PCSK4: variants seen among roughly 807,000 people sequenced by gnomAD.
The protein encoded by PCSK4 is proprotein convertase subtilisin/kexin type 4.
Under a neutral mutation model 80.3 loss-of-function variants are expected in PCSK4, and 64 were observed. The observed-to-expected ratio is 0.80, with a 90% confidence interval of 0.65 to 0.98. The LOEUF (loss-of-function observed/expected upper bound fraction) is 0.98. Among genes scored for constraint, PCSK4 ranks in the 50% least tolerant of loss-of-function variants. The pLI, the probability that PCSK4 is intolerant of heterozygous loss-of-function variation, is 0.00. For synonymous variants in PCSK4, 561 were observed against 487.6 expected (o/e 1.15, Z -1.98); for missense variants, 1,213 against 1,093.6 (o/e 1.11, Z -1.54).
intron 13 of PCSK4, 57 bp from the exon 14 acceptor site, chr19:1,482,532 C>A: frequency 1.3e-6 from 2 of 1,559,800 alleles, no homozygotes; most frequent in South Asian, 1.2e-5. Context: ...GCAGCCTGGT[C>A]CTGGTAGTCC....
chr19:1,485,429 T>C (rs1399957888), intron 8 of PCSK4, among the ~76,000 whole-genome samples: 1 of 151,742 alleles, frequency 6.6e-6, no homozygotes. Context: ...TAGCAGGACA[T>C]GGTGGCATGC....
At chr19:1,483,295 G>C (rs756860069) in exon 12 of PCSK4, 2 of 1,599,030 alleles carry the variant, frequency 1.3e-6, no homozygotes, top group South Asian at 2.2e-5. Context: ...GTATGGCCAC[G>C]AGTGTGGAGC....
chr19:1,483,965 G>GGGGGCC, intron 9 of PCSK4, 24 bp from the exon 10 acceptor site: 9 of 1,429,462 alleles, frequency 6.3e-6, no homozygotes, highest in Non-Finnish European at 8.3e-6. Flanking sequence ...GGGCGGGGGC[G>GGGGGCC]GGTGAGCCGC....
At chr19:1,484,262 C>A (rs1184951895) in intron 8 of PCSK4, 135 bp from the exon 9 acceptor site, 1 of 573,438 alleles carries the variant, frequency 1.7e-6, no homozygotes. Flanking sequence ...CTGAGGCGGG[C>A]GTGTTGTCTG....
exon 9 of PCSK4, chr19:1,484,089 G>A (rs372781240): frequency 4.5e-6 from 7 of 1,566,700 alleles, no homozygotes; most frequent in Non-Finnish European, 6.0e-6. Context: ...AGGTGCCCGT[G>A]TGCTGGTCTG....
intron 3 of PCSK4, 46 bp from the exon 4 acceptor site, chr19:1,488,138 A>G (rs1165784511): frequency 6.2e-7 from 1 of 1,612,994 alleles, no homozygotes; most frequent in South Asian, 1.1e-5. Context: ...CCTGGAGTTG[A>G]GGGCGCCAGC....
exon 1 of PCSK4, chr19:1,490,291 A>C: frequency 6.3e-7 from 1 of 1,582,780 alleles, no homozygotes; most frequent in Non-Finnish European, 8.6e-7. Flanking sequence ...CCGGGGGCGG[A>C]CAAGGGCCAG....
chr19:1,488,402 C>G (rs2084755545), intron 2 of PCSK4, 122 bp from the exon 3 acceptor site: 1 of 704,886 alleles, frequency 1.4e-6, no homozygotes, highest in African/African-American at 1.8e-5. Flanking sequence ...TCTCCAGGGT[C>G]CCCATGTGCC....
intron 2 of PCSK4, among the ~76,000 whole-genome samples, chr19:1,488,626 G>A (rs532385224): frequency 2.0e-5 from 3 of 152,134 alleles, no homozygotes; most frequent in African/African-American, 7.2e-5. Flanking sequence ...TGTCGCCCAG[G>A]CTGGGGTGCA....
rs1247423256 is a variant in PCSK4, at chr19:1,482,485, G to A, written c.1697-10C>T. 2.5e-6 allele frequency: 4 copies of A among 1,597,018 alleles called. No homozygotes were observed. Among genetic ancestry groups the A allele is most frequent in the South Asian group, 2.2e-5 (2 of 90,646 alleles). On this transcript the variant is annotated splice_polypyrimidine_tract_variant and intron_variant, in intron 13 of 14. Transcript: ENST00000300954. ...TAGCGGTACAACGTCCCTGGACAGG[G>A]GTCGCGGGTGGGCACAGGAGGAAAA...
Position 1,488,335 on chromosome 19 carries a change from G to T in PCSK4, c.295-55C>A, listed in dbSNP as rs551769390. On this transcript the variant is annotated intron_variant, in intron 2 of 14. Coordinates refer to ENST00000300954, the Ensembl canonical transcript of PCSK4. The stretch of plus-strand genomic sequence containing the variant: ...CCCCTGCTCGCCCCTGGGGCCCCTC[G>T]TGGTTCAGGGAGTGAGGCAGCCCCG... 94 of 1,409,198 alleles carry T rather than the reference G, an allele frequency of 6.7e-5. No homozygotes were observed. In the Middle Eastern group the frequency reaches 1.3e-3, roughly 19 times the overall value. 87.3% of individuals were successfully genotyped at this position (1,409,198 alleles called of 1,614,324 possible). A position where few individuals can be genotyped will look rare whatever the true frequency, so the allele number is the denominator to read the frequency against.
intron 5 of PCSK4, 25 bp downstream of exon 5, chr19:1,487,760 C>T (rs551394948): frequency 5.1e-5 from 79 of 1,554,736 alleles, no homozygotes; most frequent in Middle Eastern, 1.7e-4. Flanking sequence ...GGGCTTCCCC[C>T]GTGTGCTGTG....
At chr19:1,486,810 G>A (rs775749862) in intron 8 of PCSK4, 43 bp downstream of exon 8, 17 of 1,492,986 alleles carry the variant, frequency 1.1e-5, no homozygotes, top group Middle Eastern at 2.3e-4. Context: ...GGCTGGGATG[G>A]CAGGGCCTGG....
chr19:1,489,380 C>G (rs535958501), intron 2 of PCSK4, among the ~76,000 whole-genome samples: 1 of 152,140 alleles, frequency 6.6e-6, no homozygotes, highest in East Asian at 1.9e-4. Context: ...GTGATCCGAC[C>G]GCCTCCGCCT....
exon 12 of PCSK4, chr19:1,483,295 G>A (rs756860069): frequency 3.1e-6 from 5 of 1,598,910 alleles, no homozygotes; most frequent in Middle Eastern, 1.7e-4. Context: ...GTATGGCCAC[G>A]AGTGTGGAGC....
Position 1,487,623 on chromosome 19 carries a change from G to C in PCSK4, c.662C>G (p.Ala221Gly), listed in dbSNP as rs1476947486. The change falls in exon 6 of 15, where the codon GCT (alanine) becomes GGT (glycine). Residue 221 changes from alanine to glycine, a missense_variant. Transcript: ENST00000300954. Reference sequence around the variant, plus strand: ...GGTACCTCCGATTCGGGCGTTGAAAGCGACCCCCACACCACAGAAGCCATT... The same window carrying C: ...GGTACCTCCGATTCGGGCGTTGAAACCGACCCCCACACCACAGAAGCCATT... The C allele has an allele frequency of 7.1e-6, 11 of 1,552,788 alleles. No individual in the cohort carries two copies. The South Asian group carries it at 9.5e-5, about 13-fold the overall frequency.
chr19:1,483,044 G>C (rs1222990883), intron 12 of PCSK4, 24 bp from the exon 13 acceptor site: 3 of 1,493,948 alleles, frequency 2.0e-6, no homozygotes, highest in Non-Finnish European at 2.7e-6. Context: ...GTGGGTGGGG[G>C]TGGGGGTGTC....
At chr19:1,488,841 G>C (rs112498276) in intron 2 of PCSK4, among the ~76,000 whole-genome samples, 1 of 152,102 alleles carries the variant, frequency 6.6e-6, no homozygotes, top group Admixed American at 6.5e-5. Flanking sequence ...TTGGCCTCCC[G>C]AAGTGCCGGG....
At position 1,487,251 on chromosome 19, in the gene PCSK4, G is replaced by T. The variant is rs776298914; in HGVS notation, c.745C>A (p.Pro249Thr). The T allele has an allele frequency of 1.2e-6, 2 of 1,604,448 alleles. No individual in the cohort carries two copies. The highest frequency in any genetic ancestry group is 4.5e-5 in the East Asian group (2 of 44,858). The change falls in exon 7 of 15, where the codon CCG becomes ACG. Residue 249 changes from proline (P) to threonine (T), a missense_variant. Transcript: ENST00000300954. ...GCGCTGTAAATGTGGATGTGCTGCG[G>T]CTGCAGGCTCAGCGACTGGGCCTCG... is the stretch of plus-strand genomic sequence containing the variant.
Sources: gnomAD v4.1 joint callset for allele counts (sites outside exome capture counted in the v4.1 genomes callset) on GRCh38, gnomAD v4.1.1 for gene constraint, MANE v1.5 for transcripts, NCBI Gene and HGNC (gene_info 2026-07-23, HGNC 2026-07-21) for gene names.